Variants in CFAP54 observed in about 807,000 individuals in gnomAD.
The protein encoded by CFAP54 is cilia- and flagella-associated protein 54.
In CFAP54, 290 loss-of-function variants were observed where a neutral mutation model predicts 370.4. The ratio of observed to expected loss-of-function variants is 0.78; its 90% confidence interval spans 0.71 to 0.86. The LOEUF (loss-of-function observed/expected upper bound fraction) is 0.86. Among genes scored for constraint, CFAP54 ranks in the 40% least tolerant of loss-of-function variants. CFAP54 has a pLI of 0.00. For synonymous variants in CFAP54, 1,206 were observed against 1,236.5 expected (o/e 0.98, Z 0.52); for missense variants, 3,399 against 3,528.7 (o/e 0.96, Z 0.93).
intron 2 of CFAP54, chr12:96,501,209 G>C: frequency 3.5e-6 from 1 of 287,784 alleles, no homozygotes. Context: ...AACAGAGGGT[G>C]TGGTAGGCAC....
intron 50 of CFAP54, among the ~76,000 whole-genome samples, chr12:96,727,208 T>C (rs1957852548): frequency 6.6e-6 from 1 of 152,196 alleles, no homozygotes; most frequent in Non-Finnish European, 1.5e-5. Flanking sequence ...GGTGCAGAGC[T>C]GAGTTCAATT....
chr12:96,647,500 A>AAAC (rs1565927578), intron 33 of CFAP54, among the ~76,000 whole-genome samples: 26 of 145,314 alleles, frequency 1.8e-4, no homozygotes, highest in East Asian at 1.6e-3. Flanking sequence ...AAAAAAAGAA[A>AAAC]TGCCATTGAT....
chr12:96,778,934 C>G (rs1252223691), intron 60 of CFAP54, among the ~76,000 whole-genome samples: 6 of 151,776 alleles, frequency 4.0e-5, no homozygotes, highest in African/African-American at 1.2e-4. Context: ...ATGGTGAAAC[C>G]CTGTCTCTAC....
chr12:96,705,163 T>C (rs1389650390), intron 47 of CFAP54, among the ~76,000 whole-genome samples: 1 of 152,192 alleles, frequency 6.6e-6, no homozygotes, highest in Non-Finnish European at 1.5e-5. Flanking sequence ...AAGGAGTTCA[T>C]AGAACCAGAC....
intron 63 of CFAP54, among the ~76,000 whole-genome samples, chr12:96,805,267 C>T (rs1402477416): frequency 6.6e-6 from 1 of 151,932 alleles, no homozygotes; most frequent in African/African-American, 2.4e-5. Flanking sequence ...TAAAAAGCTA[C>T]ACAGCAAAGG....
intron 62 of CFAP54, among the ~76,000 whole-genome samples, chr12:96,790,006 A>G (rs1661565478): frequency 1.5e-5 from 2 of 135,866 alleles, no homozygotes. Flanking sequence ...TGATACTTAA[A>G]CCTACTTTCC....
chr12:96,547,922 A>G lies in CFAP54; in HGVS notation c.2098A>G (p.Thr700Ala). 1 of 1,503,118 alleles carries G rather than the reference A, an allele frequency of 6.7e-7. No individual in the cohort carries two copies. The highest frequency in any genetic ancestry group is 2.5e-5 in the East Asian group (1 of 39,396). 93.1% of individuals were successfully genotyped at this position (1,503,118 alleles called of 1,614,324 possible). A position where few individuals can be genotyped will look rare whatever the true frequency, so the allele number is the denominator to read the frequency against. ...TCCAGATGTACCTTTAAGAGAAGGG[A>G]CTAACAAATTCCCTGGAGCTCCAAA... Reference protein sequence around the residue: ...QSLDVPLREGTNKFPGAPKGI... With the variant: ...QSLDVPLREGANKFPGAPKGI... The change falls in exon 15 of 68, where the codon ACT (threonine) becomes GCT (alanine). Residue 700 changes from threonine (T) to alanine (A), a missense_variant. Physicochemically the swap from Thr to Ala is moderately conservative, Grantham distance 58. Transcript: ENST00000524981.
chr12:96,747,150 C>T (rs1958124892), intron 55 of CFAP54, among the ~76,000 whole-genome samples: 1 of 152,198 alleles, frequency 6.6e-6, no homozygotes, highest in Non-Finnish European at 1.5e-5. Context: ...AGCAATCAAT[C>T]AATAATGGTG....
At chr12:96,553,808 T>TA (rs1200559151) in intron 15 of CFAP54, among the ~76,000 whole-genome samples, 1 of 151,948 alleles carries the variant, frequency 6.6e-6, no homozygotes, top group African/African-American at 2.4e-5. Flanking sequence ...GAAATTGTTT[T>TA]AAAAAATCTT....
In CFAP54 at chr12:96,795,408, AG is replaced by A. The variant is rs1451098078; in HGVS notation, c.8850+2912del. Among the ~76,000 whole-genome samples, 5 of 152,122 alleles carry A rather than the reference AG, an allele frequency of 3.3e-5. No individual in the cohort carries two copies. In the East Asian group the frequency reaches 7.7e-4, roughly 23 times the overall value. Reference sequence around the variant, plus strand: ...TATAGAAAAACAATTAGGTGGGTGCAGGGTTAGGCGTGTCTAAGCCTAGACT... The same window carrying A: ...TATAGAAAAACAATTAGGTGGGTGCAGGTTAGGCGTGTCTAAGCCTAGACT... On this transcript the variant is annotated intron_variant, in intron 63 of 67. Coordinates refer to ENST00000524981, the MANE Select transcript of CFAP54 (RefSeq NM_001306084.2).
In CFAP54 at chr12:96,527,353, A is replaced by G. The variant is rs527244490; in HGVS notation, c.1266A>G (p.Arg422=). The G allele has an allele frequency of 6.0e-5, 92 of 1,535,974 alleles. No individual in the cohort carries two copies. The African/African-American group carries it at 8.3e-4, about 14-fold the overall frequency. ...VLEALSDSNR[R]ILQTGPIVTD... is the part of the protein sequence containing the mutation. Reference sequence around the variant, plus strand: ...AAGCTCTTTCTGATTCAAATAGGCGAATACTGCAAACTGGACCCATTGTTA... The same window carrying G: ...AAGCTCTTTCTGATTCAAATAGGCGGATACTGCAAACTGGACCCATTGTTA... The change falls in exon 9 of 68, where the codon CGA becomes CGG. Residue 422 remains arginine, a synonymous_variant. Transcript: ENST00000524981.
rs1216223951 is a variant in CFAP54 at position 96,540,942 on chromosome 12, T to C, written c.2032T>C (p.Leu678=). The C allele has an allele frequency of 8.6e-6, 13 of 1,517,248 alleles. No homozygotes were observed. In the East Asian group the frequency reaches 2.2e-4, roughly 26 times the overall value. The allele number at this position is 1,517,248 out of a possible 1,614,324, so 94.0% of individuals were successfully genotyped here. The change falls in exon 14 of 68, where the codon TTG becomes CTG. Residue 678 remains leucine (L), a synonymous_variant. Transcript: ENST00000524981. The part of the protein sequence containing the change: ...AEVTLRLSEI[L]ESLGSPGRKF... ...AGTCACATTACGGTTAAGTGAAATA[T>C]TGGAATCTTTAGGAAGCCCAGGAAG...
At chr12:96,552,952 G>T (rs74611323) in intron 15 of CFAP54, among the ~76,000 whole-genome samples, 3,988 of 152,272 alleles carry the variant, frequency 0.026, 72 homozygotes, top group Non-Finnish European at 0.04. Context: ...GCGAATAGAT[G>T]ATATGAGTTT....
chr12:96,871,556 G>GA lies in CFAP54; in HGVS notation c.*15-3555dup, dbSNP rs541178726. On this transcript the variant is annotated intron_variant, in intron 67 of 67. Transcript: ENST00000524981. ...CAGGAAAATATCATCCACAATCTAG[G>GA]AAAAAAACAGTCAACACATTTCCAG... Among the ~76,000 whole-genome samples, 21 of 151,994 alleles carry GA rather than the reference G, an allele frequency of 1.4e-4. No individual in the cohort carries two copies. In the East Asian group the frequency reaches 2.3e-3, roughly 17 times the overall value.
chr12:96,644,862 G>T (rs1413799636), intron 33 of CFAP54, among the ~76,000 whole-genome samples: 1 of 152,076 alleles, frequency 6.6e-6, no homozygotes. Context: ...GTGAGCTTTG[G>T]GTGGGGACAG....
intron 1 of CFAP54, among the ~76,000 whole-genome samples, chr12:96,496,195 AT>A (rs1196169726): frequency 1.3e-5 from 2 of 152,212 alleles, no homozygotes; most frequent in Non-Finnish European, 2.9e-5. Context: ...CCTTCACTCA[AT>A]CAGTGACTCA....
rs544988619 is a variant in CFAP54 at position 96,678,216 on chromosome 12, A to G, written c.5564-1384A>G. Among the ~76,000 whole-genome samples the G allele has an allele frequency of 3.3e-5, 5 of 152,250 alleles. No individual in the cohort carries two copies. The South Asian group carries it at 1.0e-3, about 32-fold the overall frequency. On this transcript the variant is annotated intron_variant, in intron 39 of 67. Coordinates refer to ENST00000524981, the MANE Select transcript of CFAP54 (RefSeq NM_001306084.2). Reference sequence around the variant, plus strand: ...GGTGCTGTGAGGATCAACTGAGATTAACCTTTAGAAGTGGTTAACTTCTAT... The same window carrying G: ...GGTGCTGTGAGGATCAACTGAGATTGACCTTTAGAAGTGGTTAACTTCTAT...
At chr12:96,679,999 A>G (rs1957252967) in intron 40 of CFAP54, among the ~76,000 whole-genome samples, 1 of 152,192 alleles carries the variant, frequency 6.6e-6, no homozygotes, top group Non-Finnish European at 1.5e-5. Flanking sequence ...AGATGTGACA[A>G]TATTCATTAA....
chr12:96,822,599 C>T (rs1959045670), intron 65 of CFAP54, among the ~76,000 whole-genome samples: 1 of 152,086 alleles, frequency 6.6e-6, no homozygotes, highest in African/African-American at 2.4e-5. Context: ...ACGAGTATGG[C>T]CATAGGTACC....
Sources: allele counts gnomAD v4.1 joint callset (sites outside exome capture counted in the v4.1 genomes callset), GRCh38; gene constraint gnomAD v4.1.1; transcripts MANE v1.5; gene names NCBI Gene and HGNC (gene_info 2026-07-23, HGNC 2026-07-21).